Variants in LAIR1 observed in about 807,000 individuals in gnomAD.
The protein encoded by LAIR1 is leukocyte associated immunoglobulin like receptor 1, also known as leukocyte-associated immunoglobulin-like receptor 1.
Under a neutral mutation model 32.8 loss-of-function variants are expected in LAIR1, and 24 were observed. The observed-to-expected ratio is 0.73, with a 90% confidence interval of 0.53 to 1.03. The LOEUF (loss-of-function observed/expected upper bound fraction) is 1.03. Among genes scored for constraint, LAIR1 ranks in the 50% least tolerant of loss-of-function variants. The pLI is 0.00. For synonymous variants in LAIR1, 150 were observed against 140.5 expected (o/e 1.07, Z -0.48); for missense variants, 355 against 347.5 (o/e 1.02, Z -0.17).
At position 54,353,481 on chromosome 19, in the gene LAIR1, G is replaced by A. The variant is rs868259856; in HGVS notation, c.*1787C>T. Reference sequence around the variant, plus strand: ...AGCAGACCGAGCTGCAGCCCATCCCGGGGTTCATAATGTGGAGTCAGGAGC... The same window carrying A: ...AGCAGACCGAGCTGCAGCCCATCCCAGGGTTCATAATGTGGAGTCAGGAGC... On this transcript the variant is annotated 3_prime_UTR_variant, in exon 10 of 10. Transcript: ENST00000391742. The A allele has an allele frequency of 1.3e-5, 2 of 152,140 alleles. No individual in the cohort carries two copies. The highest frequency in any genetic ancestry group is 6.5e-5 in the Admixed American group (1 of 15,272). 9.4% of individuals were successfully genotyped at this position (152,140 alleles called of 1,614,324 possible). A position where few individuals can be genotyped will look rare whatever the true frequency, so the allele number is the denominator to read the frequency against.
At chr19:54,374,065 G>C (rs2082463168), upstream of LAIR1, among the ~76,000 whole-genome samples, 1 of 152,066 alleles carries the variant, frequency 6.6e-6, no homozygotes, top group African/African-American at 2.4e-5. Flanking sequence ...AGGTTCCAAT[G>C]CTTGCACTGT....
At position 54,364,703 on chromosome 19, in the gene LAIR1, G is replaced by C; in HGVS notation, c.34+68C>G. 7.5e-7 allele frequency: 1 copy of C among 1,339,302 alleles called. No homozygotes were observed. The highest frequency in any genetic ancestry group is 1.7e-5 in the Admixed American group (1 of 58,094). 83.0% of individuals were successfully genotyped at this position (1,339,302 alleles called of 1,614,324 possible). A position where few individuals can be genotyped will look rare whatever the true frequency, so the allele number is the denominator to read the frequency against. Reference sequence around the variant, plus strand: ...CCAGAATCTTCTGGACTAGAGTCAGGCTTGAGCAGGGAATTTTCCAGACCT... The same window carrying C: ...CCAGAATCTTCTGGACTAGAGTCAGCCTTGAGCAGGGAATTTTCCAGACCT... On this transcript the variant is annotated intron_variant, in intron 1 of 9. Coordinates refer to ENST00000391742, the MANE Select transcript of LAIR1 (RefSeq NM_002287.6). The surrounding 1 kb of genome is among the most constrained non-coding windows in gnomAD (Gnocchi z 4.8).
rs551990205 is a variant in LAIR1, at chr19:54,360,788, G to A, written c.364+128C>T. 7 of 660,654 alleles carry A rather than the reference G, an allele frequency of 1.1e-5. No individual in the cohort carries two copies. In the African/African-American group the frequency reaches 2.2e-4, roughly 21 times the overall value. The allele number at this position is 660,654 out of a possible 1,614,324, so 40.9% of individuals were successfully genotyped here. On this transcript the variant is annotated intron_variant, in intron 3 of 9. Coordinates refer to ENST00000391742, the MANE Select transcript of LAIR1 (RefSeq NM_002287.6). ...TGTGTGCAGAGGAAGAAGGGGAGGGGAGGGCTTGGGGTCAGGAGGAGGACA... is the reference window on the plus strand; with the variant it reads ...TGTGTGCAGAGGAAGAAGGGGAGGGAAGGGCTTGGGGTCAGGAGGAGGACA...
At position 54,361,214 on chromosome 19, in the gene LAIR1, G is replaced by A. The variant is rs1445341042; in HGVS notation, c.71-5C>T. On this transcript the variant is annotated splice_region_variant and splice_polypyrimidine_tract_variant and intron_variant, in intron 2 of 9. Coordinates refer to ENST00000391742, the MANE Select transcript of LAIR1 (RefSeq NM_002287.6). ...TGGAGGGTCTGGGCAGATCTTCTAG[G>A]AGGGAAGCAGAGCAGGATCTCAGCG... 10 of 1,613,688 alleles carry A rather than the reference G, an allele frequency of 6.2e-6. No individual in the cohort carries two copies. Among genetic ancestry groups the A allele is most frequent in the South Asian group, 1.1e-5 (1 of 91,078 alleles).
At chr19:54,372,946 C>T (rs1166065858), upstream of LAIR1, among the ~76,000 whole-genome samples, 1 of 151,194 alleles carries the variant, frequency 6.6e-6, no homozygotes, top group Non-Finnish European at 1.5e-5. Flanking sequence ...GCCTGGCCAA[C>T]CTGGTGAAAC....
At chr19:54,360,740 CAG>C in intron 3 of LAIR1, 174 bp downstream of exon 3, 1 of 592,198 alleles carries the variant, frequency 1.7e-6, no homozygotes. Flanking sequence ...GGAACCTAAG[CAG>C]GTGTGAGGGC....
rs1265250296 is a variant in LAIR1 at position 54,353,950 on chromosome 19, G to A, written c.*1318C>T. The A allele has an allele frequency of 6.6e-6, 1 of 150,764 alleles. No individual in the cohort carries two copies. Among genetic ancestry groups the A allele is most frequent in the Non-Finnish European group, 1.5e-5 (1 of 67,710 alleles). 9.3% of individuals were successfully genotyped at this position (150,764 alleles called of 1,614,324 possible). A position where few individuals can be genotyped will look rare whatever the true frequency, so the allele number is the denominator to read the frequency against. ...GGGTTTCACCGTGTTAGCCAGGATG[G>A]TCTCGATCTCCTGACCTCGTGATCC... is the stretch of plus-strand genomic sequence containing the variant. On this transcript the variant is annotated 3_prime_UTR_variant, in exon 10 of 10. Coordinates refer to ENST00000391742, the MANE Select transcript of LAIR1 (RefSeq NM_002287.6).
upstream of LAIR1, chr19:54,365,166 C>T (rs982701782): frequency 1.7e-5 from 12 of 700,926 alleles, no homozygotes; most frequent in African/African-American, 3.8e-5. Context: ...CACAAGTTAA[C>T]GGTCGCAGCT....
rs1202245876 is a variant in LAIR1 at position 54,358,067 on chromosome 19, TATA to T, written c.416-1104_416-1102del. 22 of 146,218 alleles carry T rather than the reference TATA, an allele frequency of 1.5e-4. 1 individual carries two copies. The highest frequency in any genetic ancestry group is 3.4e-4 in the Admixed American group (5 of 14,604). The allele number at this position is 146,218 out of a possible 1,614,324, so 9.1% of individuals were successfully genotyped here. On this transcript the variant is annotated intron_variant, in intron 4 of 9. Transcript: ENST00000391742. The stretch of plus-strand genomic sequence containing the variant: ...TGACATATACATATAATTTAATGTA[TATA>T]ATGTTAATTGTATATGATTTATAAC...
chr19:54,361,725 G>C (rs1423449371), intron 2 of LAIR1, among the ~76,000 whole-genome samples: 2 of 148,928 alleles, frequency 1.3e-5, no homozygotes, highest in Non-Finnish European at 3.0e-5. Context: ...TGAGGGTGAA[G>C]CCCCCAGCCC....
At chr19:54,356,683 CA>C in intron 5 of LAIR1, 64 bp from the exon 6 acceptor site, 1 of 1,507,896 alleles carries the variant, frequency 6.6e-7, no homozygotes, top group Non-Finnish European at 9.2e-7. Context: ...GTATACCACA[CA>C]CACGTCACGT....
chr19:54,364,689 T>C lies in LAIR1; in HGVS notation c.34+82A>G. 8.3e-7 allele frequency: 1 copy of C among 1,204,948 alleles called. No individual in the cohort carries two copies. The highest frequency in any genetic ancestry group is 1.2e-6 in the Non-Finnish European group (1 of 814,966). The allele number at this position is 1,204,948 out of a possible 1,614,324, so 74.6% of individuals were successfully genotyped here. A position where few individuals can be genotyped will look rare whatever the true frequency, so the allele number is the denominator to read the frequency against. On this transcript the variant is annotated intron_variant, in intron 1 of 9. Transcript: ENST00000391742. The surrounding 1 kb of genome is among the most constrained non-coding windows in gnomAD (Gnocchi z 4.8). ...GGACACTTTCCTCCCCAGAATCTTC[T>C]GGACTAGAGTCAGGCTTGAGCAGGG...
In LAIR1 at chr19:54,361,306, T is replaced by C. The variant is rs556019789; in HGVS notation, c.71-97A>G. On this transcript the variant is annotated intron_variant, in intron 2 of 9. Transcript: ENST00000391742. ...ATCACAATTCAGGGATTTTAGCAAT[T>C]TTATAGAGTTATGCAGCCATGACCA... 1.2e-5 allele frequency: 17 copies of C among 1,360,652 alleles called. No individual in the cohort carries two copies. In the East Asian group the frequency reaches 3.9e-4, roughly 31 times the overall value. The allele number at this position is 1,360,652 out of a possible 1,614,324, so 84.3% of individuals were successfully genotyped here. A position where few individuals can be genotyped will look rare whatever the true frequency, so the allele number is the denominator to read the frequency against.
chr19:54,356,465 C>T, intron 6 of LAIR1, 26 bp downstream of exon 6: 1 of 1,612,982 alleles, frequency 6.2e-7, no homozygotes, highest in Non-Finnish European at 8.5e-7. Context: ...CTTCCCAGGT[C>T]ACCCCACCCT....
upstream of LAIR1, among the ~76,000 whole-genome samples, chr19:54,372,414 C>T (rs1046599885): frequency 2.6e-4 from 39 of 151,308 alleles, no homozygotes; most frequent in Admixed American, 2.4e-3. Context: ...GAATGAGCTT[C>T]TCCTGTGACT....
At chr19:54,375,344 G>A (rs970711428), upstream of LAIR1, among the ~76,000 whole-genome samples, 12 of 152,222 alleles carry the variant, frequency 7.9e-5, no homozygotes, top group South Asian at 6.2e-4. Flanking sequence ...TGCTGCCTGC[G>A]CCCGCCCCGC....
rs1260665319 is a variant in LAIR1 at position 54,364,585 on chromosome 19, G to A, written c.34+186C>T. On this transcript the variant is annotated intron_variant, in intron 1 of 9. Transcript: ENST00000391742. The surrounding 1 kb of genome is among the most constrained non-coding windows in gnomAD (Gnocchi z 4.8). ...AAGCTGACCTCATCCCCACACCCGG[G>A]CCCCTGTTTTTAGGACAAGATCTTC... 10 of 804,596 alleles carry A rather than the reference G, an allele frequency of 1.2e-5. No individual in the cohort carries two copies. The highest frequency in any genetic ancestry group is 2.6e-5 in the East Asian group (1 of 38,218). 49.8% of individuals were successfully genotyped at this position (804,596 alleles called of 1,614,324 possible).
chr19:54,355,091 C>T lies in LAIR1; in HGVS notation c.*177G>A, dbSNP rs559968360. 18 of 598,854 alleles carry T rather than the reference C, an allele frequency of 3.0e-5. No individual in the cohort carries two copies. The highest frequency in any genetic ancestry group is 8.8e-5 in the Admixed American group (3 of 33,942). The allele number at this position is 598,854 out of a possible 1,614,324, so 37.1% of individuals were successfully genotyped here. On this transcript the variant is annotated 3_prime_UTR_variant, in exon 10 of 10. Coordinates refer to ENST00000391742, the MANE Select transcript of LAIR1 (RefSeq NM_002287.6). The surrounding 1 kb of genome is among the most constrained non-coding windows in gnomAD (Gnocchi z 4.7). ...ATTGTAGAAGGGACCACCTGGCTAA[C>T]GAACCTTCTGGATGCTGGTTAGAAA... is the stretch of plus-strand genomic sequence containing the variant.
intron 4 of LAIR1, among the ~76,000 whole-genome samples, chr19:54,359,316 C>A (rs1477990940): frequency 1.3e-5 from 2 of 151,718 alleles, no homozygotes; most frequent in Non-Finnish European, 2.9e-5. Context: ...GGGAGATGGA[C>A]AACTTGAGAC....
Sources: allele counts gnomAD v4.1 joint callset (sites outside exome capture counted in the v4.1 genomes callset), GRCh38; gene constraint gnomAD v4.1.1; non-coding constraint Gnocchi (gnomAD v3.1); transcripts MANE v1.5; gene names NCBI Gene and HGNC (gene_info 2026-07-23, HGNC 2026-07-21).